Variants in ZWILCH observed in about 807,000 individuals in gnomAD.
ZWILCH encodes protein zwilch homolog.
ZWILCH carries 74 observed loss-of-function variants against 79.9 expected under a neutral mutation model. The observed-to-expected ratio is 0.93, with a 90% CI of 0.77 to 1.12. The LOEUF (loss-of-function observed/expected upper bound fraction) is 1.12, where lower values mean the gene tolerates loss of function less well. Among genes scored for constraint, ZWILCH ranks in the 50% most tolerant of loss-of-function variants. ZWILCH has a pLI of 0.00. For synonymous variants in ZWILCH, 241 were observed against 228.2 expected, an observed-to-expected ratio of 1.06 and a Z score of -0.51; for missense variants, 694 against 687.5, an observed-to-expected ratio of 1.01 and a Z score of -0.11.
At chr15:66,517,430 G>GTA (rs1555424251) in intron 4 of ZWILCH, among the ~76,000 whole-genome samples, 840 of 66,516 alleles carry the variant, frequency 0.013, 35 homozygotes, top group Middle Eastern at 0.04. Context: ...GTGTGTGTGT[G>GTA]TATATATATA....
intron 17 of ZWILCH, among the ~76,000 whole-genome samples, chr15:66,545,402 T>G (rs747381368): frequency 6.6e-6 from 1 of 152,186 alleles, no homozygotes; most frequent in African/African-American, 2.4e-5. Flanking sequence ...AGTTCTGTTT[T>G]GAGGAAATTC....
chr15:66,525,089 A>T (rs1894625445), intron 8 of ZWILCH, among the ~76,000 whole-genome samples: 1 of 152,174 alleles, frequency 6.6e-6, no homozygotes, highest in Admixed American at 6.5e-5. Flanking sequence ...TCTTCTCCAG[A>T]CTACATCCTC....
chr15:66,530,663 T>A (rs1427831023), intron 12 of ZWILCH, among the ~76,000 whole-genome samples: 1 of 151,974 alleles, frequency 6.6e-6, no homozygotes, highest in Non-Finnish European at 1.5e-5. Flanking sequence ...TCCAACTGTG[T>A]TATATTTCTA....
chr15:66,518,886 A>G lies in ZWILCH; in HGVS notation c.328A>G (p.Ile110Val), dbSNP rs1894385814. 1 of 1,614,018 alleles carries G rather than the reference A, an allele frequency of 6.2e-7. No homozygotes were observed. The highest frequency in any genetic ancestry group is 8.5e-7 in the Non-Finnish European group (1 of 1,179,972). The change falls in exon 5 of 19, where the codon ATT becomes GTT. Residue 110 changes from isoleucine to valine, a missense_variant. Transcript: ENST00000307897. ...ALPVGKARQL[I>V]GLYTMAHNPN... The stretch of plus-strand genomic sequence containing the variant: ...CTTACTCTTGTTTTAAAGGCAGTTA[A>G]TTGGACTTTACACCATGGCTCACAA...
chr15:66,513,178 G>T (rs917816119), intron 2 of ZWILCH, among the ~76,000 whole-genome samples: 1 of 152,164 alleles, frequency 6.6e-6, no homozygotes, highest in East Asian at 1.9e-4. Flanking sequence ...TGATGTATCC[G>T]CCTCGGCCTC....
intron 4 of ZWILCH, among the ~76,000 whole-genome samples, chr15:66,515,958 T>G (rs1894237950): frequency 6.6e-6 from 1 of 152,232 alleles, no homozygotes; most frequent in Non-Finnish European, 1.5e-5. Context: ...CTGACCAAGC[T>G]TCTTTCCTGC....
chr15:66,520,505 G>A, intron 5 of ZWILCH, 85 bp from the exon 6 acceptor site: 1 of 709,636 alleles, frequency 1.4e-6, no homozygotes, highest in Non-Finnish European at 2.5e-6. Flanking sequence ...GTGGTACATT[G>A]AGAATGTGAG....
intron 10 of ZWILCH, 117 bp from the exon 11 acceptor site, chr15:66,528,735 G>A (rs189318885): frequency 3.2e-5 from 24 of 740,874 alleles, no homozygotes; most frequent in Middle Eastern, 3.0e-4. Context: ...TAGAAAATTC[G>A]TTCATATCTT....
intron 14 of ZWILCH, 40 bp downstream of exon 14, chr15:66,533,053 A>T (rs762813406): frequency 7.0e-7 from 1 of 1,434,606 alleles, no homozygotes; most frequent in Non-Finnish European, 9.7e-7. Context: ...TTTTTCTTTT[A>T]TTCAGTCATT....
intron 1 of ZWILCH, among the ~76,000 whole-genome samples, chr15:66,508,081 G>C (rs1478383350): frequency 6.6e-6 from 1 of 152,200 alleles, no homozygotes; most frequent in Non-Finnish European, 1.5e-5. Context: ...TCTATTTCAG[G>C]AAGTCATATA....
intron 2 of ZWILCH, 53 bp from the exon 3 acceptor site, chr15:66,513,935 T>C: frequency 6.6e-6 from 9 of 1,363,826 alleles, no homozygotes; most frequent in Non-Finnish European, 9.2e-6. Flanking sequence ...TGTGTTTAGA[T>C]AGTAGAAATA....
rs200187632 is a variant in ZWILCH at position 66,543,758 on chromosome 15, G to GA, written c.1688-2819dup. On this transcript the variant is annotated intron_variant, in intron 17 of 18. Transcript: ENST00000307897. ...GGTAGCAGAGCAAGACCCTGTCTCA[G>GA]AAAAAAAAAAAAAAGTTCTGTTGCT... Among the ~76,000 whole-genome samples the GA allele has an allele frequency of 7.1e-3, 948 of 133,580 alleles. 5 individuals carry two copies. Among genetic ancestry groups the GA allele is most frequent in the African/African-American group, 0.018 (599 of 34,070 alleles). The allele number at this position is 133,580 out of a possible 152,430, so 87.6% of individuals were successfully genotyped here.
intron 4 of ZWILCH, among the ~76,000 whole-genome samples, chr15:66,516,968 T>G (rs1322954328): frequency 1.3e-5 from 2 of 152,212 alleles, no homozygotes; most frequent in African/African-American, 4.8e-5. Flanking sequence ...TTGCTCTCCA[T>G]TTCTTCTTGC....
chr15:66,507,421 A>G (rs893100567), intron 1 of ZWILCH, among the ~76,000 whole-genome samples: 1 of 152,160 alleles, frequency 6.6e-6, no homozygotes, highest in Admixed American at 6.5e-5. Flanking sequence ...CTGAAGTGCT[A>G]CAAGTTATTC....
At chr15:66,542,769 G>A (rs1027029433) in intron 17 of ZWILCH, among the ~76,000 whole-genome samples, 1 of 151,952 alleles carries the variant, frequency 6.6e-6, no homozygotes, top group Non-Finnish European at 1.5e-5. Context: ...AGGTGGGAAA[G>A]ATTGCTTGAG....
At chr15:66,517,660 G>A (rs1894333600) in intron 4 of ZWILCH, among the ~76,000 whole-genome samples, 1 of 139,288 alleles carries the variant, frequency 7.2e-6, no homozygotes, top group South Asian at 2.3e-4. Flanking sequence ...TTCAAATTTT[G>A]TTAACTGTCT....
At chr15:66,517,726 CTTTTTTTTTTTTTTTTTT>C (rs1161719182) in intron 4 of ZWILCH, among the ~76,000 whole-genome samples, 1 of 58,228 alleles carries the variant, frequency 1.7e-5, no homozygotes, top group Non-Finnish European at 3.0e-5. Context: ...CTTTTCTTTC[CTTTTTTTTTTTTTTTTTT>C]TTTTTTTTGA....
chr15:66,538,762 A>G (rs1412962568), intron 16 of ZWILCH, among the ~76,000 whole-genome samples: 1 of 152,178 alleles, frequency 6.6e-6, no homozygotes, highest in Non-Finnish European at 1.5e-5. Context: ...TCTGTGACGT[A>G]GCATCTGTCT....
intron 10 of ZWILCH, 73 bp downstream of exon 10, chr15:66,527,985 T>C: frequency 4.6e-6 from 6 of 1,292,388 alleles, no homozygotes; most frequent in Middle Eastern, 1.9e-4. Flanking sequence ...ACATCTTTCA[T>C]GTTGTACCAT....
Sources: allele counts gnomAD v4.1 joint callset (sites outside exome capture counted in the v4.1 genomes callset), GRCh38; gene constraint gnomAD v4.1.1; transcripts MANE v1.5; gene names NCBI Gene and HGNC (gene_info 2026-07-23, HGNC 2026-07-21).